The following ELMO1 variants were observed in gnomAD, a reference collection of about 807,000 sequenced individuals.
ELMO1 encodes the protein engulfment and cell motility protein 1.
A neutral mutation model predicts 98.9 loss-of-function variants in ELMO1; 26 were observed. That is an observed-to-expected ratio of 0.26 (90% confidence interval 0.19 to 0.36). ELMO1 has a LOEUF of 0.36. Ranked by LOEUF, ELMO1 falls within the 10% of genes least tolerant of loss-of-function variation. ELMO1 has a pLI of 1.00. For synonymous variants in ELMO1, 346 were observed against 346.0 expected, an observed-to-expected ratio of 1.00 and a Z score of 0.00; for missense variants, 627 against 935.2, an observed-to-expected ratio of 0.67 and a Z score of 4.30.
chr7:36,884,838 A>G (rs1804799686), intron 18 of ELMO1, among the ~76,000 whole-genome samples: 1 of 152,174 alleles, frequency 6.6e-6, no homozygotes, highest in South Asian at 2.1e-4. Context: ...AAATTCACTC[A>G]TCTGTGTCCT....
Position 37,175,227 on chromosome 7 carries a change from T to C in ELMO1, c.1086+36159A>G, listed in dbSNP as rs186909606. ...TAGTTTGGTGAGATGAGCATATCCA[T>C]AGTGTTTGTTCCTTCCAAATTTTGA... On this transcript the variant is annotated intron_variant, in intron 13 of 21. Coordinates refer to ENST00000310758, the MANE Select transcript of ELMO1 (RefSeq NM_014800.11). Among the ~76,000 whole-genome samples, 135 of 152,320 alleles carry C rather than the reference T, an allele frequency of 8.9e-4. 1 individual carries two copies. The highest frequency in any genetic ancestry group is 2.9e-3 in the African/African-American group (121 of 41,574).
chr7:37,331,309 A>C (rs568190959), intron 2 of ELMO1, among the ~76,000 whole-genome samples: 224 of 145,116 alleles, frequency 1.5e-3, no homozygotes, highest in African/African-American at 5.5e-3. Context: ...AGCTGGGACT[A>C]CAGGCGCCAG....
At chr7:37,347,005 C>A (rs1380672800) in intron 1 of ELMO1, among the ~76,000 whole-genome samples, 2 of 152,160 alleles carry the variant, frequency 1.3e-5, no homozygotes, top group African/African-American at 4.8e-5. Flanking sequence ...GGAGGCTTCC[C>A]CTTGGGAATT....
intron 15 of ELMO1, among the ~76,000 whole-genome samples, chr7:37,043,240 A>G (rs1219375269): frequency 6.6e-6 from 1 of 152,204 alleles, no homozygotes; most frequent in East Asian, 1.9e-4. Flanking sequence ...GCTAAAAGCC[A>G]TAAGAAAGCC....
At chr7:37,074,397 T>A (rs1379659497) in intron 15 of ELMO1, among the ~76,000 whole-genome samples, 1 of 152,112 alleles carries the variant, frequency 6.6e-6, no homozygotes, top group Non-Finnish European at 1.5e-5. Flanking sequence ...TGTTAGAATA[T>A]AAACAAATAA....
chr7:37,360,687 G>A (rs1008494502), intron 1 of ELMO1, among the ~76,000 whole-genome samples: 1 of 152,198 alleles, frequency 6.6e-6, no homozygotes, highest in Non-Finnish European at 1.5e-5. Flanking sequence ...CAGCCCAACT[G>A]AGTAGTAAGG....
At chr7:37,436,789 T>A (rs1162637022) in intron 1 of ELMO1, among the ~76,000 whole-genome samples, 4 of 152,146 alleles carry the variant, frequency 2.6e-5, no homozygotes, top group Admixed American at 2.6e-4. Context: ...ATAAAATGAA[T>A]TGTCCAACCC....
intron 21 of ELMO1, among the ~76,000 whole-genome samples, chr7:36,858,004 A>G (rs1802336962): frequency 1.3e-5 from 2 of 152,224 alleles, no homozygotes; most frequent in African/African-American, 4.8e-5. Context: ...TTAGAAACTA[A>G]TAACGACAGT....
intron 13 of ELMO1, among the ~76,000 whole-genome samples, chr7:37,190,295 T>C (rs916087670): frequency 6.6e-6 from 1 of 152,210 alleles, no homozygotes; most frequent in African/African-American, 2.4e-5. Flanking sequence ...GTATTAATAG[T>C]AATAATTATT....
intron 4 of ELMO1, among the ~76,000 whole-genome samples, chr7:37,298,457 C>G (rs1562593572): frequency 6.9e-6 from 1 of 145,272 alleles, no homozygotes; most frequent in African/African-American, 2.6e-5. Flanking sequence ...TCCTCCCTCC[C>G]CCGACCCCAC....
intron 13 of ELMO1, among the ~76,000 whole-genome samples, chr7:37,139,983 A>G (rs1005984480): frequency 1.3e-5 from 2 of 152,198 alleles, no homozygotes; most frequent in African/African-American, 4.8e-5. Flanking sequence ...ACCCTATTCA[A>G]CAAATGGTGT....
At chr7:37,447,714 C>CACACACACA (rs1554316231) in intron 1 of ELMO1, among the ~76,000 whole-genome samples, 2 of 132,140 alleles carry the variant, frequency 1.5e-5, no homozygotes, top group African/African-American at 3.1e-5. Context: ...CGCGCACACA[C>CACACACACA]CACACACACA....
chr7:37,035,562 G>A (rs1201210714), intron 15 of ELMO1, among the ~76,000 whole-genome samples: 1 of 152,222 alleles, frequency 6.6e-6, no homozygotes, highest in Non-Finnish European at 1.5e-5. Context: ...AATCTAGCTT[G>A]AAATGTCAGG....
chr7:37,095,025 G>C (rs1295192357), intron 15 of ELMO1, among the ~76,000 whole-genome samples: 1 of 152,220 alleles, frequency 6.6e-6, no homozygotes, highest in African/African-American at 2.4e-5. Flanking sequence ...CATAGAACAT[G>C]AGTGAAGGTA....
intron 1 of ELMO1, among the ~76,000 whole-genome samples, chr7:37,439,769 G>A (rs1041326058): frequency 1.3e-4 from 20 of 152,228 alleles, no homozygotes; most frequent in Non-Finnish European, 2.8e-4. Flanking sequence ...GACAGTAATT[G>A]AGAAAGTAGT....
chr7:36,873,439 C>T (rs532630973), intron 19 of ELMO1, among the ~76,000 whole-genome samples: 23 of 152,304 alleles, frequency 1.5e-4, no homozygotes, highest in African/African-American at 4.8e-4. Flanking sequence ...CAGTGAAGAA[C>T]GCACCCTCCC....
intron 1 of ELMO1, among the ~76,000 whole-genome samples, chr7:37,405,216 G>C (rs1803707285): frequency 7.0e-6 from 1 of 142,164 alleles, no homozygotes; most frequent in Non-Finnish European, 1.5e-5. Context: ...AACAACAATG[G>C]GGAAAAAAAA....
At chr7:37,412,487 T>C (rs959590912) in intron 1 of ELMO1, among the ~76,000 whole-genome samples, 2 of 152,266 alleles carry the variant, frequency 1.3e-5, no homozygotes, top group African/African-American at 2.4e-5. Flanking sequence ...TACCATAGTT[T>C]ACCAATCAAA....
Position 37,168,601 on chromosome 7 carries a change from A to C in ELMO1, c.1087-35367T>G, listed in dbSNP as rs186365100. 9.1e-3 allele frequency among the ~76,000 whole-genome samples: 1,390 copies of C among 152,122 alleles called. 38 individuals carry two copies. Among genetic ancestry groups the C allele is most frequent in the East Asian group, 0.068 (351 of 5,178 alleles). ...GTCTGTTGGAGTTTGCTAGAGGTCC[A>C]CTTCAGACCCTGTTTGCCTGGGTAT... is the stretch of plus-strand genomic sequence containing the variant. On this transcript the variant is annotated intron_variant, in intron 13 of 21. Coordinates refer to ENST00000310758, the MANE Select transcript of ELMO1 (RefSeq NM_014800.11).
Sources: allele counts gnomAD v4.1 joint callset (sites outside exome capture counted in the v4.1 genomes callset), GRCh38; gene constraint gnomAD v4.1.1; transcripts MANE v1.5; gene names NCBI Gene and HGNC (gene_info 2026-07-23, HGNC 2026-07-21).